MOCOS: variants seen among roughly 807,000 people sequenced by gnomAD.
The protein encoded by MOCOS is human molybdenum cofactor sulfurase.
MOCOS carries 86 observed loss-of-function variants against 83.6 expected under a neutral mutation model. The observed-to-expected ratio is 1.03, with a 90% CI of 0.86 to 1.23. MOCOS has a LOEUF of 1.23. Among genes scored for constraint, MOCOS ranks in the 50% most tolerant of loss-of-function variants. The pLI is 0.00. For synonymous variants in MOCOS, 445 were observed against 434.7 expected, an observed-to-expected ratio of 1.02 and a Z score of -0.29; for missense variants, 1,120 against 1,126.9, an observed-to-expected ratio of 0.99 and a Z score of 0.09.
chr18:36,259,589 G>C (rs905505945), intron 12 of MOCOS, among the ~76,000 whole-genome samples: 6 of 148,596 alleles, frequency 4.0e-5, no homozygotes, highest in Non-Finnish European at 8.9e-5. Flanking sequence ...CAACACCTGT[G>C]AAAAGAAGGG....
At chr18:36,218,007 C>A (rs111633109) in intron 8 of MOCOS, among the ~76,000 whole-genome samples, 3,420 of 152,202 alleles carry the variant, frequency 0.022, 128 homozygotes, top group African/African-American at 0.077. Flanking sequence ...CAAAGAACAT[C>A]ATCTCCATTA....
chr18:36,256,559 C>T (rs1372327759), intron 11 of MOCOS, among the ~76,000 whole-genome samples: 4 of 152,052 alleles, frequency 2.6e-5, no homozygotes, highest in African/African-American at 4.8e-5. Flanking sequence ...AAGTGATTCT[C>T]CTGCCTCAGC....
chr18:36,202,705 A>G (rs1443607848), intron 4 of MOCOS, among the ~76,000 whole-genome samples: 1 of 152,240 alleles, frequency 6.6e-6, no homozygotes, highest in Non-Finnish European at 1.5e-5. Flanking sequence ...TAATTTATAA[A>G]CAAAGGAGGT....
At chr18:36,265,228 G>A (rs1462216794) in intron 13 of MOCOS, among the ~76,000 whole-genome samples, 1 of 152,200 alleles carries the variant, frequency 6.6e-6, no homozygotes. Context: ...GTGCATACAT[G>A]CAAGACATGG....
intron 9 of MOCOS, among the ~76,000 whole-genome samples, 170 bp downstream of exon 9, chr18:36,220,387 T>C (rs2091491835): frequency 6.6e-6 from 1 of 151,234 alleles, no homozygotes; most frequent in African/African-American, 2.4e-5. Flanking sequence ...CACGTGCCTG[T>C]AATCTCAGCT....
chr18:36,194,621 T>C (rs1177585364), intron 1 of MOCOS, among the ~76,000 whole-genome samples: 2 of 152,240 alleles, frequency 1.3e-5, no homozygotes, highest in Admixed American at 1.3e-4. Flanking sequence ...TGTTGCCAAA[T>C]TGCTGAGCAT....
intron 1 of MOCOS, among the ~76,000 whole-genome samples, chr18:36,188,455 C>T (rs2144888504): frequency 6.6e-6 from 1 of 152,330 alleles, no homozygotes; most frequent in Admixed American, 6.5e-5. Context: ...CCCTCTGCTG[C>T]CAGGGCCCAA....
intron 9 of MOCOS, among the ~76,000 whole-genome samples, chr18:36,235,325 C>T (rs532390769): frequency 7.8e-6 from 1 of 128,246 alleles, no homozygotes; most frequent in East Asian, 2.4e-4. Flanking sequence ...TGTTCCCCTT[C>T]CTGTGTCCAT....
At position 36,238,360 on chromosome 18, in the gene MOCOS, C is replaced by A. The variant is rs1341072169; in HGVS notation, c.1961-10562C>A. Among the ~76,000 whole-genome samples, 2 of 151,020 alleles carry A rather than the reference C, an allele frequency of 1.3e-5. 1 individual carries two copies. The highest frequency in any genetic ancestry group is 3.9e-4 in the East Asian group (2 of 5,166). On this transcript the variant is annotated intron_variant, in intron 9 of 14. Transcript: ENST00000261326. ...CTTTGTTCTCGTTGGTTTCAAAGAA[C>A]ATCTTTATTTCTGCCTTCATTTCGT...
intron 9 of MOCOS, among the ~76,000 whole-genome samples, chr18:36,223,623 T>TA (rs896373208): frequency 3.9e-5 from 6 of 152,180 alleles, no homozygotes; most frequent in African/African-American, 7.2e-5. Flanking sequence ...TCTATTTCTG[T>TA]AAAAAAATGC....
rs1033749266 is a variant in MOCOS, at chr18:36,249,073, C to T, written c.2039+73C>T. ...CACAGAGGGGGAAGAGGGTAATGCCCTATGCAATCTATCCTTTGCTACCCT... is the reference window on the plus strand; with the variant it reads ...CACAGAGGGGGAAGAGGGTAATGCCTTATGCAATCTATCCTTTGCTACCCT... On this transcript the variant is annotated intron_variant, in intron 10 of 14. Coordinates refer to ENST00000261326, the MANE Select transcript of MOCOS (RefSeq NM_017947.4). The T allele has an allele frequency of 3.2e-6, 4 of 1,250,160 alleles. No homozygotes were observed. The African/African-American group carries it at 5.9e-5, about 19-fold the overall frequency. The allele number at this position is 1,250,160 out of a possible 1,614,324, so 77.4% of individuals were successfully genotyped here. A position where few individuals can be genotyped will look rare whatever the true frequency, so the allele number is the denominator to read the frequency against.
At chr18:36,259,781 C>T (rs1427271994) in intron 12 of MOCOS, among the ~76,000 whole-genome samples, 2 of 152,216 alleles carry the variant, frequency 1.3e-5, no homozygotes, top group Non-Finnish European at 2.9e-5. Flanking sequence ...CTAAGATCTG[C>T]TCGCCCTTTG....
At chr18:36,236,740 G>T (rs370184056) in intron 9 of MOCOS, among the ~76,000 whole-genome samples, 7 of 141,704 alleles carry the variant, frequency 4.9e-5, no homozygotes, top group African/African-American at 1.6e-4. Flanking sequence ...CCATTTTCAC[G>T]ATATTGATTC....
chr18:36,270,842 TCTCA>T lies in MOCOS; in HGVS notation c.*2161_*2164del, dbSNP rs2091697094. Reference sequence around the variant, plus strand: ...GGCTTTTTGTTTTTTTGAGACAGGGTCTCACTCTGTCACCCAGGCTGGAGTGCAG... The same window carrying T: ...GGCTTTTTGTTTTTTTGAGACAGGGTCTCTGTCACCCAGGCTGGAGTGCAG... On this transcript the variant is annotated 3_prime_UTR_variant, in exon 15 of 15. Coordinates refer to ENST00000261326, the MANE Select transcript of MOCOS (RefSeq NM_017947.4). 6.7e-6 allele frequency: 1 copy of T among 148,880 alleles called. No homozygotes were observed. The allele number at this position is 148,880 out of a possible 1,614,324, so 9.2% of individuals were successfully genotyped here.
chr18:36,203,342 C>T (rs1223692610), intron 5 of MOCOS, among the ~76,000 whole-genome samples, 153 bp downstream of exon 5: 2 of 152,214 alleles, frequency 1.3e-5, no homozygotes, highest in African/African-American at 4.8e-5. Context: ...TTCAAAACCA[C>T]TTCAGAGAGC....
At chr18:36,260,562 G>A (rs1390882709) in intron 13 of MOCOS, among the ~76,000 whole-genome samples, 2 of 152,094 alleles carry the variant, frequency 1.3e-5, no homozygotes, top group East Asian at 1.9e-4. Flanking sequence ...GAAGCCTGGC[G>A]GTGCCTCTTT....
intron 9 of MOCOS, among the ~76,000 whole-genome samples, chr18:36,241,153 C>T (rs2091581154): frequency 6.6e-6 from 1 of 152,150 alleles, no homozygotes; most frequent in Non-Finnish European, 1.5e-5. Context: ...CATCTTGGCT[C>T]CTCCCAACAA....
At chr18:36,196,030 G>C (rs17563884) in intron 2 of MOCOS, among the ~76,000 whole-genome samples, 1,584 of 152,276 alleles carry the variant, frequency 0.01, 30 homozygotes, top group African/African-American at 0.036. Context: ...CCTGAGCCAA[G>C]ATCCCATAGT....
intron 13 of MOCOS, among the ~76,000 whole-genome samples, chr18:36,265,371 A>G (rs547087759): frequency 3.9e-5 from 6 of 152,270 alleles, no homozygotes; most frequent in African/African-American, 1.4e-4. Flanking sequence ...CCTGGCTCCA[A>G]TTTCTTCGGG....
Sources: gnomAD v4.1 joint callset for allele counts (sites outside exome capture counted in the v4.1 genomes callset) on GRCh38, gnomAD v4.1.1 for gene constraint, MANE v1.5 for transcripts, NCBI Gene and HGNC (gene_info 2026-07-23, HGNC 2026-07-21) for gene names.